CSMD3: variants seen among roughly 807,000 people sequenced by gnomAD.
CSMD3 encodes CUB and Sushi multiple domains 3.
CSMD3 carries 177 observed loss-of-function variants against 435.2 expected under a neutral mutation model. The ratio of observed to expected loss-of-function variants is 0.41; its 90% confidence interval spans 0.36 to 0.46. CSMD3 has a LOEUF of 0.46. Ranked by LOEUF, CSMD3 falls within the 20% of genes least tolerant of loss-of-function variation. The pLI, the probability that CSMD3 is intolerant of heterozygous loss-of-function variation, is 0.34. For synonymous variants in CSMD3, 1,656 were observed against 1,520.5 expected, an observed-to-expected ratio of 1.09 and a Z score of -2.07; for missense variants, 4,265 against 4,504.6, an observed-to-expected ratio of 0.95 and a Z score of 1.52.
At chr8:113,416,968 T>C (rs535921038) in intron 1 of CSMD3, among the ~76,000 whole-genome samples, 1 of 152,166 alleles carries the variant, frequency 6.6e-6, no homozygotes, top group Non-Finnish European at 1.5e-5. Flanking sequence ...TTTTAATAGT[T>C]GGCTCTTTCT....
intron 53 of CSMD3, among the ~76,000 whole-genome samples, chr8:112,296,538 A>G (rs1171686443): frequency 6.7e-6 from 1 of 150,356 alleles, no homozygotes; most frequent in Non-Finnish European, 1.5e-5. Context: ...CAACAGAGCA[A>G]GACTCCACCT....
At chr8:113,394,187 C>CAG (rs971141760) in intron 1 of CSMD3, among the ~76,000 whole-genome samples, 20 of 151,718 alleles carry the variant, frequency 1.3e-4, no homozygotes, top group African/African-American at 4.4e-4. Context: ...CACACACACA[C>CAG]ACACAAGGGG....
Position 112,924,588 on chromosome 8 carries a change from G to A in CSMD3, c.1509-2837C>T, listed in dbSNP as rs115648170. On this transcript the variant is annotated intron_variant, in intron 9 of 70. Coordinates refer to ENST00000297405, the MANE Select transcript of CSMD3 (RefSeq NM_198123.2). ...ATTATAGAAAATTAATTCACTTAGCGTGGAGACAGGAAATTGATAATAATA... is the reference window on the plus strand; with the variant it reads ...ATTATAGAAAATTAATTCACTTAGCATGGAGACAGGAAATTGATAATAATA... 5.6e-3 allele frequency among the ~76,000 whole-genome samples: 849 copies of A among 151,606 alleles called. 12 individuals carry two copies. The highest frequency in any genetic ancestry group is 0.02 in the African/African-American group (808 of 41,406).
At chr8:113,159,496 G>GT (rs2091997414) in intron 4 of CSMD3, among the ~76,000 whole-genome samples, 1 of 151,890 alleles carries the variant, frequency 6.6e-6, no homozygotes, top group Non-Finnish European at 1.5e-5. Context: ...TGTGACTACA[G>GT]TAAGTAAATC....
At chr8:113,126,107 T>C (rs2091119116) in intron 4 of CSMD3, among the ~76,000 whole-genome samples, 1 of 151,998 alleles carries the variant, frequency 6.6e-6, no homozygotes, top group East Asian at 1.9e-4. Context: ...AGGAAGTGTA[T>C]AACTCTTCGA....
intron 32 of CSMD3, among the ~76,000 whole-genome samples, chr8:112,421,632 A>ATGTG (rs2130284914): frequency 1.4e-5 from 2 of 147,486 alleles, no homozygotes; most frequent in South Asian, 4.2e-4. Flanking sequence ...ATGTACACAT[A>ATGTG]TATGTAATAA....
intron 4 of CSMD3, among the ~76,000 whole-genome samples, chr8:113,139,587 T>C (rs1391558762): frequency 6.6e-6 from 1 of 150,908 alleles, no homozygotes; most frequent in Non-Finnish European, 1.5e-5. Context: ...CTGTAAGAAA[T>C]ACACTAAAAA....
intron 28 of CSMD3, 57 bp from the exon 29 acceptor site, chr8:112,506,886 A>G: frequency 6.7e-7 from 1 of 1,489,018 alleles, no homozygotes; most frequent in Admixed American, 1.8e-5. Context: ...TTTATTAGCT[A>G]TCAATATTTT....
At chr8:112,303,624 T>C (rs1330560610) in intron 52 of CSMD3, among the ~76,000 whole-genome samples, 1 of 152,024 alleles carries the variant, frequency 6.6e-6, no homozygotes, top group African/African-American at 2.4e-5. Flanking sequence ...TTTACAATAT[T>C]AAATATAATT....
intron 45 of CSMD3, among the ~76,000 whole-genome samples, chr8:112,325,915 T>C (rs1823465285): frequency 1.3e-5 from 2 of 152,142 alleles, no homozygotes; most frequent in Admixed American, 6.6e-5. Context: ...CAAATGGGTT[T>C]ACACATGCAA....
At chr8:113,230,616 A>G (rs2093075119) in intron 3 of CSMD3, among the ~76,000 whole-genome samples, 1 of 151,644 alleles carries the variant, frequency 6.6e-6, no homozygotes, top group Non-Finnish European at 1.5e-5. Flanking sequence ...TCAGTTCATT[A>G]CATATTCTAA....
At chr8:112,680,852 A>G (rs1027348989) in intron 16 of CSMD3, among the ~76,000 whole-genome samples, 2 of 152,192 alleles carry the variant, frequency 1.3e-5, no homozygotes, top group African/African-American at 4.8e-5. Flanking sequence ...GGAAAATTAC[A>G]TATTAAATCT....
At chr8:112,869,206 A>G (rs13249424) in intron 10 of CSMD3, among the ~76,000 whole-genome samples, 4 of 152,140 alleles carry the variant, frequency 2.6e-5, no homozygotes, top group African/African-American at 7.2e-5. Flanking sequence ...TTGTATTCCA[A>G]CCTACTGGCA....
At chr8:113,287,670 G>A (rs2093656789) in intron 2 of CSMD3, among the ~76,000 whole-genome samples, 1 of 152,004 alleles carries the variant, frequency 6.6e-6, no homozygotes, top group African/African-American at 2.4e-5. Context: ...ACTTCCATAA[G>A]ATTTGGAATG....
In CSMD3 at chr8:112,244,505, C is replaced by T. The variant is rs1814507525; in HGVS notation, c.10291G>A (p.Gly3431Arg). The change falls in exon 65 of 71, where the codon GGG becomes AGG. Residue 3431 changes from glycine (G) to arginine (R), a missense_variant. By Grantham distance (125) the Gly-to-Arg change is moderately radical. This residue lies in a region of CSMD3 where 3,255 missense variants were observed against 3,380.2 expected (regional missense o/e 0.96). Coordinates refer to ENST00000297405, the MANE Select transcript of CSMD3 (RefSeq NM_198123.2). ...NVVGMDLPSH[G>R]YTLIYTCQPG... ...TGACAGGTATAAATCAGTGTATACC[C>T]ATGAGATGGAAGGTCCATCCCTACG... 1 of 1,613,156 alleles carries T rather than the reference C, an allele frequency of 6.2e-7. No homozygotes were observed. The highest frequency in any genetic ancestry group is 1.3e-5 in the African/African-American group (1 of 75,020).
In CSMD3 at chr8:112,263,898, CAT is replaced by C. The variant is rs1186230449; in HGVS notation, c.9689-88_9689-87del. The C allele has an allele frequency of 2.5e-6, 3 of 1,214,598 alleles. No individual in the cohort carries two copies. In the Admixed American group the frequency reaches 5.2e-5, roughly 21 times the overall value. 75.2% of individuals were successfully genotyped at this position (1,214,598 alleles called of 1,614,324 possible). On this transcript the variant is annotated intron_variant, in intron 60 of 70. Coordinates refer to ENST00000297405, the MANE Select transcript of CSMD3 (RefSeq NM_198123.2). Reference sequence around the variant, plus strand: ...TAAATAAATATCATTAGAAGAAGCACATGTGCTAATTTAACCTTTTCGAGGAC... The same window carrying C: ...TAAATAAATATCATTAGAAGAAGCACGTGCTAATTTAACCTTTTCGAGGAC...
At chr8:113,213,349 C>G (rs1022386433) in intron 3 of CSMD3, among the ~76,000 whole-genome samples, 1 of 152,070 alleles carries the variant, frequency 6.6e-6, no homozygotes, top group African/African-American at 2.4e-5. Context: ...GTAATTTGTA[C>G]CTTTACTGGC....
chr8:113,235,802 C>G (rs1316729291), intron 3 of CSMD3, among the ~76,000 whole-genome samples: 1 of 152,088 alleles, frequency 6.6e-6, no homozygotes, highest in African/African-American at 2.4e-5. Flanking sequence ...TGAAGCCCAG[C>G]AGGCTCTGCA....
Position 112,921,712 on chromosome 8 carries a change from A to G in CSMD3, c.1548T>C (p.Tyr516=). 1.2e-6 allele frequency: 2 copies of G among 1,610,904 alleles called. No homozygotes were observed. Among genetic ancestry groups the G allele is most frequent in the Non-Finnish European group, 1.7e-6 (2 of 1,177,292 alleles). ...TGATGCTCTTTGCGCCCTGTAGGAC[A>G]TAATCTTCATCACAAGAGAACTGCA... The part of the protein sequence containing the change: ...STVQFSCDED[Y]VLQGAKSITC... The change falls in exon 10 of 71, where the codon TAT becomes TAC. Residue 516 remains tyrosine (Y), a synonymous_variant. Transcript: ENST00000297405.
Sources: allele counts gnomAD v4.1 joint callset (sites outside exome capture counted in the v4.1 genomes callset), GRCh38; gene constraint gnomAD v4.1.1; regional missense constraint gnomAD v4.1.1; transcripts MANE v1.5; gene names NCBI Gene and HGNC (gene_info 2026-07-23, HGNC 2026-07-21).